Variants in PCDH15 observed in about 807,000 individuals in gnomAD.
PCDH15 encodes the protein protocadherin related 15.
PCDH15 carries 129 observed loss-of-function variants against 178.5 expected under a neutral mutation model. The observed-to-expected ratio is 0.72, with a 90% CI of 0.63 to 0.84. The LOEUF is 0.84. Among genes scored for constraint, PCDH15 ranks in the 40% least tolerant of loss-of-function variants. The pLI is 0.00. For missense variants in PCDH15, 2,230 were observed against 2,099.9 expected (o/e 1.06, Z -1.21); for synonymous variants, 800 against 732.0 (o/e 1.09, Z -1.50).
chr10:55,280,103 A>G (rs1842689457), intron 1 of PCDH15, among the ~76,000 whole-genome samples: 1 of 152,038 alleles, frequency 6.6e-6, no homozygotes, highest in African/African-American at 2.4e-5. Flanking sequence ...CAGGTGAACA[A>G]AAGTAATAGA....
chr10:53,970,570 G>T (rs2089570156), intron 21 of PCDH15, among the ~76,000 whole-genome samples: 1 of 151,352 alleles, frequency 6.6e-6, no homozygotes, highest in Non-Finnish European at 1.5e-5. Flanking sequence ...AAAGAGAGAA[G>T]AATCAAATAG....
chr10:53,826,836 A>G (rs556378649), intron 32 of PCDH15, among the ~76,000 whole-genome samples: 16 of 152,246 alleles, frequency 1.1e-4, no homozygotes, highest in Admixed American at 5.9e-4. Context: ...GGAATTTAAT[A>G]TAGAAATTCT....
chr10:55,292,518 A>G (rs1420499646), intron 1 of PCDH15, among the ~76,000 whole-genome samples: 1 of 152,054 alleles, frequency 6.6e-6, no homozygotes, highest in Non-Finnish European at 1.5e-5. Flanking sequence ...AGTAGCTGAT[A>G]TAACAGGTGC....
At chr10:54,952,241 C>T (rs1222522309) in intron 2 of PCDH15, among the ~76,000 whole-genome samples, 1 of 151,800 alleles carries the variant, frequency 6.6e-6, no homozygotes, top group Non-Finnish European at 1.5e-5. Flanking sequence ...TCATTAGTTC[C>T]ATCACTGTTT....
intron 26 of PCDH15, among the ~76,000 whole-genome samples, chr10:53,871,589 T>G (rs939232887): frequency 4.6e-5 from 7 of 152,080 alleles, no homozygotes; most frequent in Non-Finnish European, 8.8e-5. Flanking sequence ...ATTATGTTTA[T>G]CCATGAATAT....
intron 1 of PCDH15, among the ~76,000 whole-genome samples, chr10:55,189,662 G>T (rs1009145262): frequency 1.3e-5 from 2 of 151,618 alleles, no homozygotes; most frequent in African/African-American, 4.8e-5. Context: ...ACTCCTATTA[G>T]CTCTCTTTAT....
chr10:54,047,770 T>G (rs2093685622), intron 18 of PCDH15, among the ~76,000 whole-genome samples: 1 of 152,186 alleles, frequency 6.6e-6, no homozygotes, highest in Non-Finnish European at 1.5e-5. Context: ...GACTGTTTAG[T>G]ACTCCATGCT....
intron 1 of PCDH15, among the ~76,000 whole-genome samples, chr10:54,732,223 C>A (rs1215045424): frequency 6.6e-6 from 1 of 151,146 alleles, no homozygotes. Context: ...TATTAGGAGA[C>A]TTCTAGCTAA....
intron 2 of PCDH15, among the ~76,000 whole-genome samples, chr10:54,538,163 G>A (rs1244484402): frequency 6.6e-6 from 1 of 152,124 alleles, no homozygotes; most frequent in Admixed American, 6.5e-5. Context: ...AATTGCTTTT[G>A]AGGACTTGCC....
chr10:54,671,448 A>G (rs1178094279), intron 1 of PCDH15, among the ~76,000 whole-genome samples: 1 of 152,166 alleles, frequency 6.6e-6, no homozygotes, highest in Non-Finnish European at 1.5e-5. Flanking sequence ...GTAATATAAT[A>G]AAAGTCCTGG....
chr10:55,238,275 G>A (rs1186531955), intron 1 of PCDH15, among the ~76,000 whole-genome samples: 6 of 149,740 alleles, frequency 4.0e-5, no homozygotes, highest in Non-Finnish European at 8.9e-5. Flanking sequence ...TCAGCCTCCC[G>A]AGTAGTTGGG....
intron 21 of PCDH15, among the ~76,000 whole-genome samples, chr10:53,986,097 A>G (rs895464017): frequency 2.0e-5 from 3 of 152,114 alleles, no homozygotes; most frequent in East Asian, 1.9e-4. Context: ...GATCCTTAGA[A>G]CAATACCAGA....
intron 8 of PCDH15, among the ~76,000 whole-genome samples, chr10:54,270,589 G>A (rs1985567): frequency 0.66 from 100,953 of 151,994 alleles, 34,439 homozygotes; most frequent in Middle Eastern, 0.78. Flanking sequence ...TGCTTGTTTT[G>A]AAAGATCTAG....
intron 1 of PCDH15, among the ~76,000 whole-genome samples, chr10:54,724,125 A>C (rs1942094808): frequency 6.6e-6 from 1 of 151,802 alleles, no homozygotes; most frequent in Admixed American, 6.6e-5. Context: ...ATAGGAAAGT[A>C]ATGGAATCAA....
intron 2 of PCDH15, among the ~76,000 whole-genome samples, chr10:55,601,555 T>C (rs1333966040): frequency 6.6e-6 from 1 of 152,140 alleles, no homozygotes; most frequent in Non-Finnish European, 1.5e-5. Context: ...AAGTAAGTGA[T>C]GTTAATTAGG....
intron 2 of PCDH15, among the ~76,000 whole-genome samples, chr10:55,152,892 T>TA (rs2132103399): frequency 6.6e-6 from 1 of 152,074 alleles, no homozygotes; most frequent in South Asian, 2.1e-4. Context: ...ACACACACAA[T>TA]AATTATGTAA....
intron 18 of PCDH15, among the ~76,000 whole-genome samples, chr10:54,041,465 G>A (rs1329434919): frequency 6.6e-6 from 1 of 151,944 alleles, no homozygotes; most frequent in Non-Finnish European, 1.5e-5. Context: ...TATGTCACTT[G>A]AACCAAGGTG....
chr10:55,482,917 C>G (rs1180687245), intron 2 of PCDH15, among the ~76,000 whole-genome samples: 2 of 151,676 alleles, frequency 1.3e-5, no homozygotes, highest in Non-Finnish European at 2.9e-5. Flanking sequence ...ATATGTTTTC[C>G]AACTTGGTTC....
intron 15 of PCDH15, among the ~76,000 whole-genome samples, chr10:54,132,360 C>A (rs988230689): frequency 3.3e-5 from 5 of 152,096 alleles, no homozygotes; most frequent in Admixed American, 6.5e-5. Flanking sequence ...CTAAAACTAC[C>A]CCCTTCTTCT....
Sources: allele counts gnomAD v4.1 joint callset (sites outside exome capture counted in the v4.1 genomes callset), GRCh38; gene constraint gnomAD v4.1.1; transcripts MANE v1.5; gene names NCBI Gene and HGNC (gene_info 2026-07-23, HGNC 2026-07-21).